Variants in ZNF385C observed in about 807,000 individuals in gnomAD.
The protein encoded by ZNF385C is CTD-2132N18.2.
A neutral mutation model predicts 35.4 loss-of-function variants in ZNF385C; 28 were observed. The ratio of observed to expected loss-of-function variants is 0.79; its 90% confidence interval spans 0.59 to 1.08. The LOEUF (loss-of-function observed/expected upper bound fraction) is 1.08. ZNF385C is among the 50% of genes least tolerant of loss of function. ZNF385C has a pLI of 0.00. For missense variants in ZNF385C, 605 were observed against 595.6 expected (o/e 1.02, Z -0.16); for synonymous variants, 248 against 248.2 (o/e 1.00, Z 0.01).
chr17:42,027,261 C>T (rs2052606177), intron 8 of ZNF385C, 128 bp from the exon 9 acceptor site: 2 of 821,916 alleles, frequency 2.4e-6, no homozygotes, highest in Non-Finnish European at 2.0e-6. Context: ...CTAAATCCTC[C>T]TCCCTTCCCA....
intron 1 of ZNF385C, among the ~76,000 whole-genome samples, chr17:42,076,280 A>G (rs369527853): frequency 1.1e-4 from 17 of 152,102 alleles, no homozygotes; most frequent in East Asian, 7.7e-4. Context: ...TTCATCCCCT[A>G]CTAACCCTGA....
chr17:42,040,708 G>C lies in ZNF385C; in HGVS notation c.251-2823C>G, dbSNP rs112929867. 2.4e-6 allele frequency: 3 copies of C among 1,232,232 alleles called. No homozygotes were observed. In the African/African-American group the frequency reaches 4.7e-5, roughly 19 times the overall value. The allele number at this position is 1,232,232 out of a possible 1,614,324, so 76.3% of individuals were successfully genotyped here. A position where few individuals can be genotyped will look rare whatever the true frequency, so the allele number is the denominator to read the frequency against. ...CCGAGGCCCTGCCAAGTCAATAGCT[G>C]CAAGGTCCAGTGCTGCCCGGAGCTC... On this transcript the variant is annotated intron_variant, in intron 2 of 8. Transcript: ENST00000692273.
intron 5 of ZNF385C, among the ~76,000 whole-genome samples, chr17:42,030,495 A>C (rs1368447143): frequency 2.0e-5 from 3 of 152,052 alleles, no homozygotes; most frequent in African/African-American, 7.3e-5. Flanking sequence ...CTCAAAAAAC[A>C]AACAAACAAA....
intron 5 of ZNF385C, among the ~76,000 whole-genome samples, chr17:42,030,333 C>G (rs1555654883): frequency 6.6e-6 from 1 of 152,004 alleles, no homozygotes. Context: ...ACTAAAAATA[C>G]AAAAATTAGC....
intron 1 of ZNF385C, among the ~76,000 whole-genome samples, chr17:42,088,571 C>T (rs1026649781): frequency 6.6e-6 from 1 of 152,262 alleles, no homozygotes; most frequent in Non-Finnish European, 1.5e-5. Flanking sequence ...TTCCATCCCC[C>T]ACCCCAACCT....
intron 2 of ZNF385C, 60 bp downstream of exon 2, chr17:42,062,747 G>C (rs1212503768): frequency 4.0e-6 from 2 of 500,806 alleles, no homozygotes; most frequent in Admixed American, 7.5e-5. Flanking sequence ...CCTCAGAGGG[G>C]CCCAGACAGA....
At position 42,050,791 on chromosome 17, in the gene ZNF385C, T is replaced by G. The variant is rs1162204973; in HGVS notation, c.250+12016A>C. Among the ~76,000 whole-genome samples the G allele has an allele frequency of 2.0e-5, 3 of 150,154 alleles. No individual in the cohort carries two copies. The highest frequency in any genetic ancestry group is 3.0e-5 in the Non-Finnish European group (2 of 67,516). On this transcript the variant is annotated intron_variant, in intron 2 of 8. Coordinates refer to ENST00000692273, the MANE Select transcript of ZNF385C (RefSeq NM_001392013.1). The surrounding 1 kb of genome is among the most constrained non-coding windows in gnomAD (Gnocchi z 5.6). ...GGCCCCGGCCCCACCCCCCAGCCCC[T>G]GCCGCCCCACGCGCGGCAGCAGGAG...
intron 2 of ZNF385C, chr17:42,040,979 G>A: frequency 8.1e-7 from 1 of 1,232,296 alleles, no homozygotes; most frequent in Non-Finnish European, 1.0e-6. Flanking sequence ...ATGTCCAAGA[G>A]CTGGCCAGCA....
chr17:42,043,105 ACAGC>A (rs2053065214), intron 2 of ZNF385C: 3 of 1,232,218 alleles, frequency 2.4e-6, no homozygotes, highest in Non-Finnish European at 3.0e-6. Context: ...GCCCTGGTTG[ACAGC>A]CAGAGCCTGG....
chr17:42,040,721 C>T, intron 2 of ZNF385C: 1 of 1,232,394 alleles, frequency 8.1e-7, no homozygotes, highest in Non-Finnish European at 1.0e-6. Flanking sequence ...AGGTCCAGTG[C>T]TGCCCGGAGC....
At chr17:42,028,585 C>T (rs1203984595) in intron 6 of ZNF385C, 198 bp downstream of exon 6, 2 of 709,966 alleles carry the variant, frequency 2.8e-6, no homozygotes, top group East Asian at 5.5e-5. Flanking sequence ...CTTGCTGCCT[C>T]AGACTTCTCT....
intron 2 of ZNF385C, among the ~76,000 whole-genome samples, chr17:42,052,953 A>C (rs972153896): frequency 2.0e-5 from 3 of 152,198 alleles, no homozygotes; most frequent in African/African-American, 7.2e-5. Flanking sequence ...TGCCATTTCT[A>C]TCATGGATAA....
chr17:42,041,292 G>A (rs1555656111), intron 2 of ZNF385C: 3 of 1,029,702 alleles, frequency 2.9e-6, no homozygotes, highest in Middle Eastern at 3.5e-4. Flanking sequence ...AGGCCTTGAG[G>A]TTAGACAGAC....
intron 1 of ZNF385C, among the ~76,000 whole-genome samples, chr17:42,082,655 C>A (rs886448039): frequency 1.3e-5 from 2 of 152,232 alleles, no homozygotes; most frequent in Admixed American, 6.5e-5. Flanking sequence ...AGGTATCAGC[C>A]AGTGTGGCTG....
chr17:42,030,784 T>TA (rs1301672068), intron 5 of ZNF385C, among the ~76,000 whole-genome samples: 1 of 152,036 alleles, frequency 6.6e-6, no homozygotes, highest in Non-Finnish European at 1.5e-5. Context: ...GGTACCCTTA[T>TA]AAAAAGAGCT....
Position 42,027,692 on chromosome 17 carries a change from C to G in ZNF385C, c.1201G>C (p.Gly401Arg). 2 of 1,612,728 alleles carry G rather than the reference C, an allele frequency of 1.2e-6. No individual in the cohort carries two copies. The highest frequency in any genetic ancestry group is 2.2e-5 in the South Asian group (2 of 90,980). ...TGGCTGGAGGGCTTGGGGGTCTTCC[C>G]GGCCAGGCGGTCTTTGTGCCTCCTG... is the stretch of plus-strand genomic sequence containing the variant. ...SSRRHKDRLA[G>R]KTPKPSSQHS... The change falls in exon 8 of 9, where the codon GGG (glycine) becomes CGG (arginine). Residue 401 changes from glycine to arginine, a missense_variant. By Grantham distance (125) the Gly-to-Arg change is moderately radical (BLOSUM62 -2). Transcript: ENST00000692273.
chr17:42,030,037 A>C (rs549415016), intron 5 of ZNF385C, among the ~76,000 whole-genome samples: 1 of 152,248 alleles, frequency 6.6e-6, no homozygotes, highest in African/African-American at 2.4e-5. Context: ...CAAAAAAAAA[A>C]AGAGCTTTTA....
At chr17:42,084,787 A>C (rs1326712171) in intron 1 of ZNF385C, among the ~76,000 whole-genome samples, 2 of 151,912 alleles carry the variant, frequency 1.3e-5, no homozygotes, top group Non-Finnish European at 2.9e-5. Flanking sequence ...ATTTAAAAAA[A>C]AATTTTTTTT....
At chr17:42,067,481 A>T (rs76231365) in intron 1 of ZNF385C, among the ~76,000 whole-genome samples, 2,895 of 152,128 alleles carry the variant, frequency 0.019, 96 homozygotes, top group African/African-American at 0.067. Flanking sequence ...CGCAGCAAAC[A>T]TCCAGTGGGA....
Sources: gnomAD v4.1 joint callset for allele counts (sites outside exome capture counted in the v4.1 genomes callset) on GRCh38, gnomAD v4.1.1 for gene constraint, Gnocchi (gnomAD v3.1) non-coding constraint, MANE v1.5 for transcripts, NCBI Gene and HGNC (gene_info 2026-07-23, HGNC 2026-07-21) for gene names.